Variants in NFYC observed in about 807,000 individuals in gnomAD.
The protein encoded by NFYC is CAAT box DNA-binding protein subunit C.
In NFYC, 25 loss-of-function variants were observed where a neutral mutation model predicts 53.1. That is an observed-to-expected ratio of 0.47 (90% confidence interval 0.34 to 0.66). The LOEUF is 0.66. NFYC is among the 30% of genes least tolerant of loss of function. NFYC has a pLI of 0.01. For missense variants in NFYC, 260 were observed against 422.7 expected, an observed-to-expected ratio of 0.62 and a Z score of 3.38; for synonymous variants, 145 against 152.6, an observed-to-expected ratio of 0.95 and a Z score of 0.37.
At chr1:40,736,211 G>A (rs1414731210) in intron 1 of NFYC, among the ~76,000 whole-genome samples, 18 of 152,052 alleles carry the variant, frequency 1.2e-4, no homozygotes, top group Admixed American at 1.2e-3. Flanking sequence ...ACACCAGAAT[G>A]AAATCTGCTT....
intron 1 of NFYC, among the ~76,000 whole-genome samples, chr1:40,711,150 T>C (rs932404346): frequency 6.6e-6 from 1 of 152,202 alleles, no homozygotes; most frequent in African/African-American, 2.4e-5. Context: ...CCTTGTCTTC[T>C]TTGTAATCTA....
At chr1:40,759,972 T>TATA (rs1340975573) in intron 6 of NFYC, among the ~76,000 whole-genome samples, 2 of 152,206 alleles carry the variant, frequency 1.3e-5, no homozygotes, top group Non-Finnish European at 2.9e-5. Context: ...GATGTTTTTT[T>TATA]AAAGATAAGT....
chr1:40,748,008 G>T (rs532738174), intron 3 of NFYC, among the ~76,000 whole-genome samples: 1 of 151,992 alleles, frequency 6.6e-6, no homozygotes, highest in East Asian at 1.9e-4. Context: ...GCTAATTTTT[G>T]TATTTTTTGT....
At chr1:40,695,696 T>A (rs1034751055) in intron 1 of NFYC, 1 of 152,090 alleles carries the variant, frequency 6.6e-6, no homozygotes, top group Non-Finnish European at 1.5e-5. Context: ...GCTGGGATTA[T>A]AGGCGTGAGC....
chr1:40,742,497 A>G (rs958400223), intron 2 of NFYC, among the ~76,000 whole-genome samples: 1 of 152,236 alleles, frequency 6.6e-6, no homozygotes, highest in Admixed American at 6.5e-5. Flanking sequence ...AATTACTTTG[A>G]GGGATTCAGT....
intron 1 of NFYC, among the ~76,000 whole-genome samples, chr1:40,716,055 T>C (rs912968872): frequency 6.6e-6 from 1 of 152,228 alleles, no homozygotes; most frequent in African/African-American, 2.4e-5. Context: ...TTCTTCTGTC[T>C]ACCTAAGCTA....
chr1:40,721,805 C>T (rs979730348), intron 1 of NFYC: 1 of 152,370 alleles, frequency 6.6e-6, no homozygotes, highest in Admixed American at 6.5e-5. Context: ...TCAAGCGATC[C>T]TCCTGCTTTG....
At chr1:40,768,037 G>A (rs765526835) in intron 8 of NFYC, among the ~76,000 whole-genome samples, 7 of 152,182 alleles carry the variant, frequency 4.6e-5, no homozygotes, top group Non-Finnish European at 1.0e-4. Context: ...AAATGGGAGA[G>A]GCTGGGGAGA....
intron 1 of NFYC, among the ~76,000 whole-genome samples, chr1:40,692,791 G>C (rs943796369): frequency 1.3e-5 from 2 of 152,160 alleles, no homozygotes. Flanking sequence ...ACAGCATTAA[G>C]TAGTATCAGA....
rs116707452 is a variant in NFYC at position 40,742,096 on chromosome 1, G to A, written c.105+3148G>A. ...TTAAAAAAAAAAAATCTTATGTAGAGATGGAGGTCTCACTATGTTGCCTAG... is the reference window on the plus strand; with the variant it reads ...TTAAAAAAAAAAAATCTTATGTAGAAATGGAGGTCTCACTATGTTGCCTAG... On this transcript the variant is annotated intron_variant, in intron 2 of 9. Coordinates refer to ENST00000447388, the MANE Select transcript of NFYC (RefSeq NM_014223.5). 9.6e-3 allele frequency among the ~76,000 whole-genome samples: 1,456 copies of A among 151,934 alleles called. 10 individuals are homozygous for A. Among genetic ancestry groups the A allele is most frequent in the Non-Finnish European group, 0.014 (931 of 67,970 alleles).
intron 1 of NFYC, among the ~76,000 whole-genome samples, chr1:40,724,254 G>C (rs532540681): frequency 9.8e-5 from 15 of 152,288 alleles, no homozygotes; most frequent in Non-Finnish European, 1.9e-4. Flanking sequence ...TATAATCCCA[G>C]CTGCTTGGGA....
At chr1:40,715,116 T>A (rs1010502101) in intron 1 of NFYC, among the ~76,000 whole-genome samples, 13 of 73,266 alleles carry the variant, frequency 1.8e-4, no homozygotes, top group Non-Finnish European at 3.5e-4. Context: ...AAATAAATAA[T>A]AATTTGGCTG....
chr1:40,696,178 C>A (rs907417014), intron 1 of NFYC, among the ~76,000 whole-genome samples: 1 of 152,076 alleles, frequency 6.6e-6, no homozygotes, highest in African/African-American at 2.4e-5. Flanking sequence ...CGCCCGCCAC[C>A]ATGCCTGGCT....
chr1:40,710,238 A>G (rs920835903), intron 1 of NFYC, among the ~76,000 whole-genome samples: 5 of 152,226 alleles, frequency 3.3e-5, no homozygotes, highest in Non-Finnish European at 5.9e-5. Flanking sequence ...CTTCACTTAT[A>G]TTGACAGTGA....
chr1:40,739,023 A>C, intron 2 of NFYC, 75 bp downstream of exon 2: 1 of 1,003,472 alleles, frequency 1.0e-6, no homozygotes, highest in Non-Finnish European at 1.5e-6. Flanking sequence ...ACCAAAACTC[A>C]GACTAAAGCA....
chr1:40,740,806 G>A lies in NFYC; in HGVS notation c.105+1858G>A, dbSNP rs1034336468. 3.3e-5 allele frequency among the ~76,000 whole-genome samples: 5 copies of A among 152,116 alleles called. No individual in the cohort carries two copies. In the East Asian group the frequency reaches 7.7e-4, roughly 23 times the overall value. ...GGGGTGTGGTGGGACTAGGCCAATC[G>A]AGCAAGTCTGTGCCGCAGCTTGAGC... On this transcript the variant is annotated intron_variant, in intron 2 of 9. Transcript: ENST00000447388.
intron 8 of NFYC, 128 bp from the exon 9 acceptor site, chr1:40,769,228 C>T: frequency 3.5e-6 from 3 of 846,100 alleles, no homozygotes; most frequent in Non-Finnish European, 6.1e-6. Flanking sequence ...GCTTACTACC[C>T]ATTGAGCACC....
chr1:40,729,704 C>CT (rs1644677950), intron 1 of NFYC, among the ~76,000 whole-genome samples: 1 of 150,152 alleles, frequency 6.7e-6, no homozygotes, highest in South Asian at 2.1e-4. Flanking sequence ...GAACCGGAGT[C>CT]TTGCACTGTC....
Position 40,747,526 on chromosome 1 carries a change from C to G in NFYC, c.106-8C>G. On this transcript the variant is annotated splice_region_variant and splice_polypyrimidine_tract_variant and intron_variant, in intron 2 of 9. Coordinates refer to ENST00000447388, the MANE Select transcript of NFYC (RefSeq NM_014223.5). Reference sequence around the variant, plus strand: ...CACCATTTATGCATCTCTTGTTGTTCATTTCAGAAAGACTTCCGAGTGCAG... The same window carrying G: ...CACCATTTATGCATCTCTTGTTGTTGATTTCAGAAAGACTTCCGAGTGCAG... 1 of 1,607,242 alleles carries G rather than the reference C, an allele frequency of 6.2e-7. No individual in the cohort carries two copies. The highest frequency in any genetic ancestry group is 8.5e-7 in the Non-Finnish European group (1 of 1,174,042).
Sources: gnomAD v4.1 joint callset for allele counts (sites outside exome capture counted in the v4.1 genomes callset) on GRCh38, gnomAD v4.1.1 for gene constraint, MANE v1.5 for transcripts, NCBI Gene and HGNC (gene_info 2026-07-23, HGNC 2026-07-21) for gene names.